Variants in ALK observed in about 807,000 individuals in gnomAD.
ALK encodes ALK tyrosine kinase receptor.
ALK carries 74 observed loss-of-function variants against 163.1 expected under a neutral mutation model. The observed-to-expected ratio is 0.45, with a 90% CI of 0.38 to 0.55. The LOEUF is 0.55. Among genes scored for constraint, ALK ranks in the 20% least tolerant of loss-of-function variants. ALK has a pLI of 0.00. For synonymous variants in ALK, 960 were observed against 843.2 expected, an observed-to-expected ratio of 1.14 and a Z score of -2.40; for missense variants, 2,063 against 2,105.3, an observed-to-expected ratio of 0.98 and a Z score of 0.39.
intron 3 of ALK, among the ~76,000 whole-genome samples, chr2:29,624,400 G>C (rs895529315): frequency 1.3e-5 from 2 of 152,198 alleles, no homozygotes; most frequent in African/African-American, 4.8e-5. Context: ...GTCTGTATAT[G>C]AGTGAGAAAC....
chr2:29,640,528 C>T (rs1676672415), intron 3 of ALK, among the ~76,000 whole-genome samples: 1 of 152,198 alleles, frequency 6.6e-6, no homozygotes, highest in Admixed American at 6.5e-5. Context: ...TGAGCAGGCG[C>T]CACATTCTGT....
chr2:29,639,691 G>A (rs1676645328), intron 3 of ALK, among the ~76,000 whole-genome samples: 1 of 152,192 alleles, frequency 6.6e-6, no homozygotes, highest in Non-Finnish European at 1.5e-5. Context: ...TCAAAGCTAA[G>A]AGAGAAAAAC....
At chr2:29,743,582 G>A (rs897062385) in intron 1 of ALK, among the ~76,000 whole-genome samples, 1 of 152,200 alleles carries the variant, frequency 6.6e-6, no homozygotes, top group Admixed American at 6.5e-5. Flanking sequence ...GTTTGACGTG[G>A]AGCCTGTACT....
chr2:29,661,618 G>T (rs375500854), intron 3 of ALK, among the ~76,000 whole-genome samples: 2 of 152,034 alleles, frequency 1.3e-5, no homozygotes, highest in East Asian at 3.9e-4. Flanking sequence ...ATCCTATAAG[G>T]TATGACTGTC....
intron 3 of ALK, among the ~76,000 whole-genome samples, chr2:29,679,706 C>T (rs1382217212): frequency 6.8e-6 from 1 of 147,398 alleles, no homozygotes. Context: ...ATAATTTTGT[C>T]TTTTAAGATG....
intron 1 of ALK, among the ~76,000 whole-genome samples, chr2:29,797,357 G>T (rs993853671): frequency 2.0e-4 from 31 of 152,078 alleles, no homozygotes; most frequent in Non-Finnish European, 3.7e-4. Context: ...GTCTTTCAAA[G>T]ATTTTTTTCA....
Position 29,229,048 on chromosome 2 carries a change from T to C in ALK, c.2651A>G (p.Asn884Ser). The C allele has an allele frequency of 6.2e-7, 1 of 1,610,374 alleles. No homozygotes were observed. Among genetic ancestry groups the C allele is most frequent in the Non-Finnish European group, 8.5e-7 (1 of 1,178,050 alleles). ...GGCCCAGAGCAAGGAAGTGTTATCA[T>C]TCCAGCCACCTCCACCACCTGCGGG... ...SGAAGGGGGW[N>S]DNTSLLWAGK... is the part of the protein sequence containing the mutation. Residue 884 changes from asparagine (N) to serine (S), a missense_variant, in exon 16 of 29, where the codon AAT (asparagine) becomes AGT (serine). Transcript: ENST00000389048.
At chr2:29,914,217 C>A (rs1182600748) in intron 1 of ALK, among the ~76,000 whole-genome samples, 1 of 152,206 alleles carries the variant, frequency 6.6e-6, no homozygotes, top group Non-Finnish European at 1.5e-5. Flanking sequence ...ATGCATATTT[C>A]TGAGAAAGTC....
chr2:29,581,945 G>T (rs1403336443), intron 3 of ALK, among the ~76,000 whole-genome samples: 1 of 152,216 alleles, frequency 6.6e-6, no homozygotes, highest in African/African-American at 2.4e-5. Flanking sequence ...TGCCTCTGCA[G>T]AGTAGGCTGC....
At chr2:29,817,944 G>GC (rs1664941186) in intron 1 of ALK, among the ~76,000 whole-genome samples, 2 of 152,074 alleles carry the variant, frequency 1.3e-5, no homozygotes, top group Non-Finnish European at 2.9e-5. Context: ...AAGAAATGAA[G>GC]CCAAAAACCA....
At position 29,192,794 on chromosome 2, in the gene ALK, C is replaced by A. The variant is rs149003733; in HGVS notation, c.*430G>T. On this transcript the variant is annotated 3_prime_UTR_variant, in exon 29 of 29. Transcript: ENST00000389048. ...CATGCTTAGTCATTACAAATAACTC[C>A]TTTATTTCCGTTCCCTCTCCCCTCA... The A allele has an allele frequency of 1.0e-5, 3 of 294,536 alleles. No individual in the cohort carries two copies. The highest frequency in any genetic ancestry group is 1.9e-5 in the Non-Finnish European group (3 of 154,836). 18.2% of individuals were successfully genotyped at this position (294,536 alleles called of 1,614,324 possible).
At chr2:29,774,407 T>A (rs1366909685) in intron 1 of ALK, among the ~76,000 whole-genome samples, 4 of 152,208 alleles carry the variant, frequency 2.6e-5, no homozygotes, top group African/African-American at 9.6e-5. Context: ...GTAATCATTC[T>A]GGGAACCCAG....
At chr2:29,223,228 C>A (rs1006174163) in intron 20 of ALK, 114 bp downstream of exon 20, 2 of 1,140,194 alleles carry the variant, frequency 1.8e-6, no homozygotes, top group East Asian at 2.5e-5. Context: ...GCTAGGGGTG[C>A]CCATAGGGAG....
intron 3 of ALK, among the ~76,000 whole-genome samples, chr2:29,686,956 A>G (rs1052454345): frequency 6.6e-6 from 1 of 152,142 alleles, no homozygotes; most frequent in Admixed American, 6.5e-5. Flanking sequence ...AGGGCCAGGG[A>G]CTGTATTGCT....
At chr2:29,822,620 C>T (rs1665080575) in intron 1 of ALK, among the ~76,000 whole-genome samples, 1 of 152,210 alleles carries the variant, frequency 6.6e-6, no homozygotes, top group Non-Finnish European at 1.5e-5. Flanking sequence ...CCTCTCTGAG[C>T]CTCAGTGAGG....
At chr2:29,678,211 A>G (rs1220650809) in intron 3 of ALK, among the ~76,000 whole-genome samples, 1 of 151,924 alleles carries the variant, frequency 6.6e-6, no homozygotes, top group Non-Finnish European at 1.5e-5. Context: ...ATTAATCTGA[A>G]TAAAAGGTTT....
chr2:29,316,945 A>G (rs1328723507), intron 8 of ALK, among the ~76,000 whole-genome samples: 1 of 152,222 alleles, frequency 6.6e-6, no homozygotes, highest in African/African-American at 2.4e-5. Context: ...ATTGCATATC[A>G]CAAAGTCCCA....
At position 29,528,663 on chromosome 2, in the gene ALK, C is replaced by T. The variant is rs565019418; in HGVS notation, c.1154+3252G>A. 5.9e-5 allele frequency among the ~76,000 whole-genome samples: 9 copies of T among 152,236 alleles called. No homozygotes were observed. In the South Asian group the frequency reaches 1.9e-3, roughly 32 times the overall value. The stretch of plus-strand genomic sequence containing the variant: ...ATGATGGTGAGATGAATGTTTGAAC[C>T]CAAAAGGACCTAGCACTTATTAGTG... On this transcript the variant is annotated intron_variant, in intron 4 of 28. Transcript: ENST00000389048.
At position 29,341,749 on chromosome 2, in the gene ALK, A is replaced by G. The variant is rs1034625375; in HGVS notation, c.1283-13268T>C. ...GAGGAAGCAGGGTGTCCTTGGAGGA[A>G]ATGTAAGAAGGTTTGGTGTTATCAA... On this transcript the variant is annotated intron_variant, in intron 5 of 28. Transcript: ENST00000389048. Among the ~76,000 whole-genome samples the G allele has an allele frequency of 2.6e-5, 4 of 152,180 alleles. No individual in the cohort carries two copies. The East Asian group carries it at 7.7e-4, about 29-fold the overall frequency.
Sources: gnomAD v4.1 joint callset for allele counts (sites outside exome capture counted in the v4.1 genomes callset) on GRCh38, gnomAD v4.1.1 for gene constraint, MANE v1.5 for transcripts, NCBI Gene and HGNC (gene_info 2026-07-23, HGNC 2026-07-21) for gene names.